Variants in KCNB2 observed in about 807,000 individuals in gnomAD.
The protein encoded by KCNB2 is potassium voltage-gated channel subfamily B member 2.
In KCNB2, 15 loss-of-function variants were observed where a neutral mutation model predicts 61.5. That is an observed-to-expected ratio of 0.24 (90% CI 0.16 to 0.38). The LOEUF (loss-of-function observed/expected upper bound fraction) is 0.38. Among genes scored for constraint, KCNB2 ranks in the 10% least tolerant of loss-of-function variants. The probability of loss-of-function intolerance (pLI) is 1.00; values close to 1 mark genes in which losing one functional copy is unlikely to be tolerated. For synonymous variants in KCNB2, 457 were observed against 446.0 expected (o/e 1.02, Z -0.31); for missense variants, 828 against 1,125.2 (o/e 0.74, Z 3.78).
intron 2 of KCNB2, among the ~76,000 whole-genome samples, chr8:72,851,917 TG>T (rs1173510490): frequency 4.8e-5 from 7 of 144,978 alleles, no homozygotes; most frequent in African/African-American, 1.8e-4. Flanking sequence ...TAAGAAAATC[TG>T]GTGTGTTATG....
At chr8:72,757,879 CA>C (rs1808315753) in intron 2 of KCNB2, among the ~76,000 whole-genome samples, 1 of 152,124 alleles carries the variant, frequency 6.6e-6, no homozygotes, top group South Asian at 2.1e-4. Context: ...TTGAGGAAGT[CA>C]AGAGTGGTCT....
chr8:72,925,490 A>G (rs1349193412), intron 2 of KCNB2, among the ~76,000 whole-genome samples: 1 of 152,226 alleles, frequency 6.6e-6, no homozygotes, highest in African/African-American at 2.4e-5. Context: ...TCATTTTCTC[A>G]TGTACCAATG....
chr8:72,568,716 G>A (rs936695341), intron 2 of KCNB2, among the ~76,000 whole-genome samples: 3 of 152,162 alleles, frequency 2.0e-5, no homozygotes, highest in Non-Finnish European at 4.4e-5. Flanking sequence ...ACTGGAAGGA[G>A]AGGAGGTACC....
chr8:72,907,506 T>A (rs1333184427), intron 2 of KCNB2, among the ~76,000 whole-genome samples: 1 of 152,100 alleles, frequency 6.6e-6, no homozygotes, highest in Non-Finnish European at 1.5e-5. Context: ...ATAAAGTCAA[T>A]CCAAGGCTCA....
chr8:72,781,144 A>T (rs1214369750), intron 2 of KCNB2, among the ~76,000 whole-genome samples: 2 of 152,016 alleles, frequency 1.3e-5, no homozygotes, highest in Non-Finnish European at 2.9e-5. Flanking sequence ...GAATGCAAAA[A>T]TTTTCTCCCA....
chr8:72,824,262 G>A (rs1809560506), intron 2 of KCNB2, among the ~76,000 whole-genome samples: 1 of 152,084 alleles, frequency 6.6e-6, no homozygotes, highest in African/African-American at 2.4e-5. Context: ...TGAGACGCAA[G>A]GGAGTAAGAC....
Position 72,808,752 on chromosome 8 carries a change from C to T in KCNB2, c.580-127183C>T, listed in dbSNP as rs1440343. Among the ~76,000 whole-genome samples, 770 of 152,266 alleles carry T rather than the reference C, an allele frequency of 5.1e-3. 5 individuals carry two copies. The highest frequency in any genetic ancestry group is 0.017 in the African/African-American group (710 of 41,552). On this transcript the variant is annotated intron_variant, in intron 2 of 2. Coordinates refer to ENST00000523207, the MANE Select transcript of KCNB2 (RefSeq NM_004770.3). Reference sequence around the variant, plus strand: ...CCCCACCCCCAAGCCAGCTCTTCAGCTAGTTGATGCCTCCTTATCTATCTA... The same window carrying T: ...CCCCACCCCCAAGCCAGCTCTTCAGTTAGTTGATGCCTCCTTATCTATCTA...
chr8:72,828,002 G>A (rs915857943), intron 2 of KCNB2, among the ~76,000 whole-genome samples: 15 of 151,826 alleles, frequency 9.9e-5, no homozygotes, highest in Non-Finnish European at 1.9e-4. Flanking sequence ...TAGTAGAGAC[G>A]GGGTTTCACC....
intron 2 of KCNB2, among the ~76,000 whole-genome samples, chr8:72,781,196 C>T (rs1220101174): frequency 1.3e-5 from 2 of 152,108 alleles, no homozygotes; most frequent in Non-Finnish European, 2.9e-5. Context: ...GTTTCTTTTG[C>T]TGTGCAGGAG....
chr8:72,745,916 ACT>A (rs1414541303), intron 2 of KCNB2, among the ~76,000 whole-genome samples: 1 of 152,022 alleles, frequency 6.6e-6, no homozygotes, highest in African/African-American at 2.4e-5. Flanking sequence ...CACTCTTATC[ACT>A]CTGAAAATTT....
At chr8:72,670,947 C>T (rs1585819673) in intron 2 of KCNB2, among the ~76,000 whole-genome samples, 1 of 152,172 alleles carries the variant, frequency 6.6e-6, no homozygotes, top group Admixed American at 6.6e-5. Flanking sequence ...ATGGATATGA[C>T]CTCTCTCTCC....
At chr8:72,692,232 T>G (rs1489358093) in intron 2 of KCNB2, among the ~76,000 whole-genome samples, 1 of 104,138 alleles carries the variant, frequency 9.6e-6, no homozygotes. Flanking sequence ...CGAGACTCTG[T>G]CTCAAAAAAA....
rs989738041 is a variant in KCNB2 at position 72,937,688 on chromosome 8, A to G, written c.2333A>G (p.Gln778Arg). 2 of 1,613,868 alleles carry G rather than the reference A, an allele frequency of 1.2e-6. No homozygotes were observed. Among genetic ancestry groups the G allele is most frequent in the Non-Finnish European group, 1.7e-6 (2 of 1,179,994 alleles). ...GGCACTGAGGTTTCAGCGCCTTGTC[A>G]GGGACCTTCCAAAGGGCTGTCCCCC... ...LLGTEVSAPC[Q>R]GPSKGLSPRF... Residue 778 changes from glutamine to arginine, a missense_variant, in exon 3 of 3, where the codon CAG (glutamine) becomes CGG (arginine). Physicochemically the swap from Gln to Arg is conservative, Grantham distance 43. Transcript: ENST00000523207.
chr8:72,836,102 TGTTCACCTG>T (rs1317394479), intron 2 of KCNB2, among the ~76,000 whole-genome samples: 3 of 152,256 alleles, frequency 2.0e-5, no homozygotes, highest in Non-Finnish European at 4.4e-5. Context: ...ATTCCACTTC[TGTTCACCTG>T]CCCTTGTTTC....
intron 2 of KCNB2, among the ~76,000 whole-genome samples, chr8:72,758,311 T>C (rs1023567104): frequency 1.3e-5 from 2 of 152,136 alleles, no homozygotes; most frequent in East Asian, 3.9e-4. Flanking sequence ...ATTGTCTCCA[T>C]TTGCACTTGG....
At chr8:72,686,364 T>C (rs1241690788) in intron 2 of KCNB2, among the ~76,000 whole-genome samples, 2 of 152,152 alleles carry the variant, frequency 1.3e-5, no homozygotes, top group Admixed American at 1.3e-4. Flanking sequence ...ATATTTTTTT[T>C]TGAAACAAGG....
intron 2 of KCNB2, among the ~76,000 whole-genome samples, chr8:72,659,253 G>A (rs1563551342): frequency 6.6e-6 from 1 of 152,144 alleles, no homozygotes; most frequent in Non-Finnish European, 1.5e-5. Context: ...GACATCAGTG[G>A]AGGAAGTGAC....
intron 2 of KCNB2, among the ~76,000 whole-genome samples, chr8:72,716,125 C>A (rs996939954): frequency 5.3e-5 from 8 of 152,184 alleles, no homozygotes; most frequent in African/African-American, 1.7e-4. Context: ...GAAACTGAAT[C>A]TCTGAATAGA....
At chr8:72,591,715 G>A (rs891433821) in intron 2 of KCNB2, among the ~76,000 whole-genome samples, 2 of 152,074 alleles carry the variant, frequency 1.3e-5, no homozygotes, top group African/African-American at 2.4e-5. Flanking sequence ...TCACTGAAGG[G>A]TAATCAGACC....
Sources: gnomAD v4.1 joint callset for allele counts (sites outside exome capture counted in the v4.1 genomes callset) on GRCh38, gnomAD v4.1.1 for gene constraint, MANE v1.5 for transcripts, NCBI Gene and HGNC (gene_info 2026-07-23, HGNC 2026-07-21) for gene names.